GRID2: variants seen among roughly 807,000 people sequenced by gnomAD.
The protein encoded by GRID2 is glutamate receptor ionotropic, delta-2.
GRID2 carries 33 observed loss-of-function variants against 114.8 expected under a neutral mutation model. The ratio of observed to expected loss-of-function variants is 0.29; its 90% CI spans 0.22 to 0.38. The LOEUF is 0.38. Ranked by LOEUF, GRID2 falls within the 10% of genes least tolerant of loss-of-function variation. The probability of loss-of-function intolerance (pLI) is 1.00; values close to 1 mark genes in which losing one functional copy is unlikely to be tolerated. For missense variants in GRID2, 1,184 were observed against 1,257.7 expected (o/e 0.94, Z 0.89); for synonymous variants, 505 against 449.9 (o/e 1.12, Z -1.55).
chr4:93,151,482 C>T (rs899666408), intron 4 of GRID2, among the ~76,000 whole-genome samples: 8 of 151,740 alleles, frequency 5.3e-5, no homozygotes, highest in South Asian at 2.1e-4. Context: ...AATTAGACAC[C>T]GCCTTCTTTA....
intron 8 of GRID2, among the ~76,000 whole-genome samples, chr4:93,336,540 G>A (rs1022471076): frequency 2.0e-5 from 3 of 152,134 alleles, no homozygotes; most frequent in Admixed American, 2.0e-4. Flanking sequence ...ATATGTGTGG[G>A]ATATTCTCTA....
intron 2 of GRID2, among the ~76,000 whole-genome samples, chr4:93,081,923 G>A (rs1260857814): frequency 6.6e-6 from 1 of 152,130 alleles, no homozygotes; most frequent in Non-Finnish European, 1.5e-5. Flanking sequence ...TCTTACTGCA[G>A]CCTTTTATTT....
At chr4:93,042,226 A>T (rs1027635394) in intron 2 of GRID2, among the ~76,000 whole-genome samples, 27 of 150,280 alleles carry the variant, frequency 1.8e-4, no homozygotes, top group Non-Finnish European at 3.4e-4. Context: ...TAAAATATAT[A>T]TTTTAAATAA....
intron 1 of GRID2, among the ~76,000 whole-genome samples, chr4:92,494,093 A>G (rs1253255868): frequency 6.6e-6 from 1 of 152,092 alleles, no homozygotes; most frequent in Non-Finnish European, 1.5e-5. Flanking sequence ...AAATTATCTG[A>G]AACCAATTAC....
chr4:93,628,109 G>A (rs1742892541), intron 14 of GRID2, among the ~76,000 whole-genome samples: 1 of 152,136 alleles, frequency 6.6e-6, no homozygotes, highest in Non-Finnish European at 1.5e-5. Flanking sequence ...GGGAGGTGGA[G>A]GTTATAGTGA....
At chr4:93,622,160 C>T (rs1455829347) in intron 13 of GRID2, among the ~76,000 whole-genome samples, 1 of 152,062 alleles carries the variant, frequency 6.6e-6, no homozygotes, top group African/African-American at 2.4e-5. Flanking sequence ...ACCTAGGGAG[C>T]TATAAGCAGG....
intron 2 of GRID2, among the ~76,000 whole-genome samples, chr4:92,611,563 G>A (rs1324361654): frequency 2.0e-5 from 3 of 151,548 alleles, no homozygotes; most frequent in Admixed American, 6.6e-5. Context: ...TTCAGTCATA[G>A]CATCTTACTA....
intron 13 of GRID2, among the ~76,000 whole-genome samples, chr4:93,617,672 C>T (rs1200660803): frequency 2.0e-5 from 3 of 152,024 alleles, no homozygotes; most frequent in East Asian, 1.9e-4. Flanking sequence ...AAACCAGTAT[C>T]GAAAGTTAAA....
At chr4:93,343,699 A>G (rs1312808568) in intron 8 of GRID2, among the ~76,000 whole-genome samples, 2 of 151,972 alleles carry the variant, frequency 1.3e-5, no homozygotes, top group Non-Finnish European at 2.9e-5. Flanking sequence ...AATGTTTGGT[A>G]GATTTGGGGA....
intron 9 of GRID2, among the ~76,000 whole-genome samples, chr4:93,399,629 G>A (rs1025664991): frequency 6.6e-6 from 1 of 152,102 alleles, no homozygotes; most frequent in Non-Finnish European, 1.5e-5. Context: ...ATAGAGCCAT[G>A]GGAGAGAGAC....
At chr4:93,184,100 G>C (rs1023851783) in intron 4 of GRID2, among the ~76,000 whole-genome samples, 4 of 152,142 alleles carry the variant, frequency 2.6e-5, no homozygotes, top group Admixed American at 1.3e-4. Flanking sequence ...AAAGAAAATG[G>C]TTTGTAGCTT....
intron 9 of GRID2, among the ~76,000 whole-genome samples, chr4:93,422,354 G>A (rs566316562): frequency 6.6e-6 from 1 of 152,096 alleles, no homozygotes; most frequent in South Asian, 2.1e-4. Context: ...TTTTCAGATT[G>A]TTTTATGTAG....
chr4:92,706,025 A>G (rs933150266), intron 2 of GRID2, among the ~76,000 whole-genome samples: 2 of 152,216 alleles, frequency 1.3e-5, no homozygotes, highest in African/African-American at 4.8e-5. Flanking sequence ...ACACCTCATC[A>G]GCCTGCTGGC....
chr4:93,785,113 C>A (rs1383324226), intron 1 of GRID2, among the ~76,000 whole-genome samples: 1 of 152,138 alleles, frequency 6.6e-6, no homozygotes, highest in Non-Finnish European at 1.5e-5. Flanking sequence ...TGAGAAAGAT[C>A]AGATAGTTTG....
chr4:93,238,573 A>G, intron 8 of GRID2, 83 bp downstream of exon 8: 1 of 1,206,068 alleles, frequency 8.3e-7, no homozygotes, highest in Non-Finnish European at 1.2e-6. Flanking sequence ...TGATCACAGT[A>G]CCCATTAAAG....
At chr4:93,593,001 C>T (rs978089561) in intron 13 of GRID2, among the ~76,000 whole-genome samples, 2 of 151,770 alleles carry the variant, frequency 1.3e-5, no homozygotes, top group Admixed American at 1.3e-4. Flanking sequence ...TGGGTCTTGA[C>T]TCTTTATCCA....
intron 13 of GRID2, among the ~76,000 whole-genome samples, chr4:93,563,713 G>A (rs575544727): frequency 3.9e-5 from 6 of 152,006 alleles, no homozygotes; most frequent in African/African-American, 1.2e-4. Flanking sequence ...GTTCTCTGTA[G>A]GCTTGTTTTA....
chr4:93,345,823 A>C (rs28613085), intron 8 of GRID2, among the ~76,000 whole-genome samples: 13,098 of 152,074 alleles, frequency 0.086, 791 homozygotes, highest in African/African-American at 0.16. Context: ...TTTTATTTTT[A>C]GTGTGAGATA....
At chr4:92,799,090 C>T (rs1255138004) in intron 2 of GRID2, among the ~76,000 whole-genome samples, 1 of 151,820 alleles carries the variant, frequency 6.6e-6, no homozygotes, top group Non-Finnish European at 1.5e-5. Context: ...ACTTTATTTC[C>T]ATTATTATTA....
Sources: allele counts gnomAD v4.1 joint callset (sites outside exome capture counted in the v4.1 genomes callset), GRCh38; gene constraint gnomAD v4.1.1; transcripts MANE v1.5; gene names NCBI Gene and HGNC (gene_info 2026-07-23, HGNC 2026-07-21).